Variants in SNX29 observed in about 807,000 individuals in gnomAD.
SNX29 encodes the protein sorting nexin-29.
In SNX29, 78 loss-of-function variants were observed where a neutral mutation model predicts 102.1. The ratio of observed to expected loss-of-function variants is 0.76; its 90% CI spans 0.64 to 0.92. The LOEUF (loss-of-function observed/expected upper bound fraction) is 0.92. Ranked by LOEUF, SNX29 falls within the 40% of genes least tolerant of loss-of-function variation. The probability of loss-of-function intolerance (pLI) is 0.00; values close to 1 mark genes in which losing one functional copy is unlikely to be tolerated. For synonymous variants in SNX29, 580 were observed against 414.5 expected, an observed-to-expected ratio of 1.40 and a Z score of -4.85; for missense variants, 1,280 against 1,061.7, an observed-to-expected ratio of 1.21 and a Z score of -2.86.
intron 15 of SNX29, among the ~76,000 whole-genome samples, chr16:12,353,638 C>G (rs377490497): frequency 6.6e-6 from 1 of 152,196 alleles, no homozygotes; most frequent in Non-Finnish European, 1.5e-5. Context: ...CCTGTAGTTT[C>G]CTCCACTGGT....
In SNX29 at chr16:12,539,728, C is replaced by T. The variant is rs200166644; in HGVS notation, c.2318+14887C>T. On this transcript the variant is annotated intron_variant, in intron 20 of 20. Coordinates refer to ENST00000566228, the MANE Select transcript of SNX29 (RefSeq NM_032167.5). Reference sequence around the variant, plus strand: ...GTCATGATTCTTTACTGTGGCTGTTCACAAGGATGCAGAATATTTCATCAT... The same window carrying T: ...GTCATGATTCTTTACTGTGGCTGTTTACAAGGATGCAGAATATTTCATCAT... 5.0e-4 allele frequency among the ~76,000 whole-genome samples: 76 copies of T among 152,308 alleles called. No homozygotes were observed. In the East Asian group the frequency reaches 0.012, roughly 25 times the overall value.
intron 13 of SNX29, among the ~76,000 whole-genome samples, chr16:12,194,219 A>G (rs2076714753): frequency 6.6e-6 from 1 of 152,174 alleles, no homozygotes; most frequent in Non-Finnish European, 1.5e-5. Flanking sequence ...TTAGATTTAT[A>G]TGAATGTATT....
intron 16 of SNX29, among the ~76,000 whole-genome samples, chr16:12,396,489 T>A (rs1412946250): frequency 6.6e-6 from 1 of 152,126 alleles, no homozygotes; most frequent in Non-Finnish European, 1.5e-5. Context: ...GCCCACTTGA[T>A]CCCCATAGCG....
intron 13 of SNX29, among the ~76,000 whole-genome samples, chr16:12,136,383 C>G (rs1005952714): frequency 1.3e-5 from 2 of 152,224 alleles, no homozygotes; most frequent in African/African-American, 4.8e-5. Flanking sequence ...GGTCTTGGCT[C>G]TGCCACTTGG....
chr16:12,447,744 C>T (rs2086126750), intron 18 of SNX29, among the ~76,000 whole-genome samples: 1 of 152,210 alleles, frequency 6.6e-6, no homozygotes, highest in South Asian at 2.1e-4. Context: ...TCAAAGCTCT[C>T]TCCTGAGATT....
intron 19 of SNX29, 105 bp from the exon 20 acceptor site, chr16:12,524,597 G>A: frequency 8.8e-6 from 12 of 1,365,266 alleles, no homozygotes; most frequent in Non-Finnish European, 1.2e-5. Flanking sequence ...CTCAATCAGT[G>A]TTGGTTGCCT....
At chr16:12,202,576 A>G (rs528365962) in intron 14 of SNX29, among the ~76,000 whole-genome samples, 1 of 152,288 alleles carries the variant, frequency 6.6e-6, no homozygotes, top group Admixed American at 6.5e-5. Context: ...TGTAACTCTT[A>G]CTGGTCATTT....
intron 14 of SNX29, among the ~76,000 whole-genome samples, chr16:12,239,725 C>T (rs1225727363): frequency 2.0e-5 from 3 of 148,824 alleles, no homozygotes; most frequent in South Asian, 2.1e-4. Flanking sequence ...GAGGCTGAGG[C>T]AGGAGGATTG....
chr16:12,377,890 A>AT (rs1406905703), intron 16 of SNX29, among the ~76,000 whole-genome samples: 1 of 152,076 alleles, frequency 6.6e-6, no homozygotes, highest in Non-Finnish European at 1.5e-5. Flanking sequence ...GGCAACAGGG[A>AT]TTGAGGGTTT....
At chr16:12,254,714 G>A in intron 14 of SNX29, among the ~76,000 whole-genome samples, 1 of 152,156 alleles carries the variant, frequency 6.6e-6, no homozygotes, top group Non-Finnish European at 1.5e-5. Context: ...GAAGCCACGT[G>A]AGAGTGTGCT....
At chr16:12,012,670 G>A (rs1406216243) in intron 3 of SNX29, among the ~76,000 whole-genome samples, 5 of 152,074 alleles carry the variant, frequency 3.3e-5, no homozygotes, top group Admixed American at 3.3e-4. Flanking sequence ...GCCTCCCAAA[G>A]TGCTGGGATT....
In SNX29 at chr16:12,462,011, ATG is replaced by A. The variant is rs1344007185; in HGVS notation, c.2038-15706_2038-15705del. On this transcript the variant is annotated intron_variant, in intron 18 of 20. Transcript: ENST00000566228. Reference sequence around the variant, plus strand: ...TATATATATATATATATATATATATATGTATACACACACACACACACACACAC... The same window carrying A: ...TATATATATATATATATATATATATATATACACACACACACACACACACAC... Among the ~76,000 whole-genome samples the A allele has an allele frequency of 3.5e-3, 237 of 67,688 alleles. 1 individual carries two copies. Among genetic ancestry groups the A allele is most frequent in the African/African-American group, 0.014 (190 of 13,522 alleles). The allele number at this position is 67,688 out of a possible 152,430, so 44.4% of individuals were successfully genotyped here.
At chr16:12,394,178 G>A (rs2083637541) in intron 16 of SNX29, among the ~76,000 whole-genome samples, 5 of 152,206 alleles carry the variant, frequency 3.3e-5, no homozygotes, top group Admixed American at 3.3e-4. Context: ...TTGTGCATCT[G>A]TATATGTCTA....
intron 16 of SNX29, among the ~76,000 whole-genome samples, chr16:12,387,858 TG>T (rs901206487): frequency 5.5e-4 from 84 of 152,298 alleles, no homozygotes; most frequent in African/African-American, 1.8e-3. Context: ...GCCTCTGGGA[TG>T]TGGCATTCTT....
intron 16 of SNX29, among the ~76,000 whole-genome samples, chr16:12,368,372 A>C (rs2082563963): frequency 6.6e-6 from 1 of 152,224 alleles, no homozygotes; most frequent in Admixed American, 6.5e-5. Context: ...CAAAATAATC[A>C]AGATTTAGAA....
intron 16 of SNX29, among the ~76,000 whole-genome samples, chr16:12,380,444 A>ACCACCCACCATCCAT (rs1303633049): frequency 1.7e-5 from 1 of 58,830 alleles, no homozygotes; most frequent in African/African-American, 5.0e-5. Flanking sequence ...CTAGCTACCT[A>ACCACCCACCATCCAT]CCACCCACCA....
At chr16:12,543,037 C>T (rs543555204) in intron 20 of SNX29, among the ~76,000 whole-genome samples, 1 of 152,260 alleles carries the variant, frequency 6.6e-6, no homozygotes, top group South Asian at 2.1e-4. Context: ...TCCAGAGGCT[C>T]AAAAAGTGTC....
chr16:12,422,136 C>T (rs1377334858), intron 18 of SNX29, among the ~76,000 whole-genome samples: 1 of 152,218 alleles, frequency 6.6e-6, no homozygotes, highest in Non-Finnish European at 1.5e-5. Flanking sequence ...AAAGAGGCAG[C>T]ATTTTTCTCC....
chr16:12,546,125 T>C (rs1243766735), intron 20 of SNX29, among the ~76,000 whole-genome samples: 1 of 152,104 alleles, frequency 6.6e-6, no homozygotes, highest in Non-Finnish European at 1.5e-5. Flanking sequence ...ATTCTCCCCA[T>C]CCACAAAACA....
Sources: gnomAD v4.1 joint callset for allele counts (sites outside exome capture counted in the v4.1 genomes callset) on GRCh38, gnomAD v4.1.1 for gene constraint, MANE v1.5 for transcripts, NCBI Gene and HGNC (gene_info 2026-07-23, HGNC 2026-07-21) for gene names.